The following TRPM2 variants were observed in gnomAD, a reference collection of about 807,000 sequenced individuals.
The protein encoded by TRPM2 is estrogen-responsive element-associated gene 1 protein.
TRPM2 carries 161 observed loss-of-function variants against 174.0 expected under a neutral mutation model. The ratio of observed to expected loss-of-function variants is 0.93; its 90% CI spans 0.81 to 1.05. The LOEUF (loss-of-function observed/expected upper bound fraction) is 1.05, where lower values mean the gene tolerates loss of function less well. Ranked by LOEUF, TRPM2 falls within the 50% of genes least tolerant of loss-of-function variation. The pLI, the probability that TRPM2 is intolerant of heterozygous loss-of-function variation, is 0.00. For synonymous variants in TRPM2, 954 were observed against 861.3 expected, an observed-to-expected ratio of 1.11 and a Z score of -1.88; for missense variants, 2,057 against 2,038.0, an observed-to-expected ratio of 1.01 and a Z score of -0.18.
At position 44,391,156 on chromosome 21, in the gene TRPM2, C is replaced by G. The variant is rs2049161049; in HGVS notation, c.1441-116C>G. On this transcript the variant is annotated intron_variant, in intron 10 of 31. Transcript: ENST00000397928. This position sits in a 1 kb window ranked among gnomAD's most constrained non-coding sequence, Gnocchi z 5.0. ...CCTTGAGGGTGGGTGACCTGGGCAG[C>G]TTTCATCCTCCCCAGGTTGGGGACA... 1 of 1,542,954 alleles carries G rather than the reference C, an allele frequency of 6.5e-7. No individual in the cohort carries two copies. Among genetic ancestry groups the G allele is most frequent in the Admixed American group, 1.8e-5 (1 of 55,572 alleles).
At chr21:44,358,122 C>A (rs185845606) in intron 2 of TRPM2, among the ~76,000 whole-genome samples, 51 of 152,342 alleles carry the variant, frequency 3.3e-4, no homozygotes, top group African/African-American at 1.2e-3. Context: ...CCCCTCGACA[C>A]CCGCCCGGGT....
chr21:44,424,445 C>G (rs905796828), intron 23 of TRPM2, among the ~76,000 whole-genome samples: 9 of 152,234 alleles, frequency 5.9e-5, no homozygotes, highest in Non-Finnish European at 1.0e-4. Context: ...GCATCAGCCT[C>G]TGGGGAGGCT....
chr21:44,428,785 G>A (rs533167861), intron 27 of TRPM2, among the ~76,000 whole-genome samples: 10 of 149,600 alleles, frequency 6.7e-5, no homozygotes, highest in African/African-American at 2.5e-4. Context: ...CTGAGGTGTG[G>A]CTCCTTCCCT....
chr21:44,355,276 T>A (rs1031540321), intron 2 of TRPM2, among the ~76,000 whole-genome samples: 1 of 148,026 alleles, frequency 6.8e-6, no homozygotes, highest in Non-Finnish European at 1.5e-5. Context: ...ACATGGCCAC[T>A]GTCTCTGAGT....
At chr21:44,419,632 A>ATTG (rs1569097696) in intron 22 of TRPM2, among the ~76,000 whole-genome samples, 1 of 125,032 alleles carries the variant, frequency 8.0e-6, no homozygotes, top group African/African-American at 3.4e-5. Context: ...GGTGATTGTG[A>ATTG]TGGTGGTGGT....
chr21:44,373,931 A>G (rs1376228108), intron 5 of TRPM2, among the ~76,000 whole-genome samples: 1 of 151,920 alleles, frequency 6.6e-6, no homozygotes, highest in African/African-American at 2.4e-5. Flanking sequence ...CTTCCTTCTG[A>G]GCCCTCACCA....
In TRPM2 at chr21:44,353,947, C is replaced by G. The variant is rs1031144552; in HGVS notation, c.165+82C>G. ...GGCAGGTCATAGCTTGAGGCTGTGA[C>G]GACGGGGGTGGGAAAGGGTCTGCTG... On this transcript the variant is annotated intron_variant, in intron 1 of 31. Transcript: ENST00000397928. The G allele has an allele frequency of 4.0e-6, 6 of 1,494,578 alleles. No individual in the cohort carries two copies. In the East Asian group the frequency reaches 1.6e-4, roughly 40 times the overall value. 92.6% of individuals were successfully genotyped at this position (1,494,578 alleles called of 1,614,324 possible).
chr21:44,403,333 G>T (rs1162974564), intron 16 of TRPM2, among the ~76,000 whole-genome samples: 2 of 152,198 alleles, frequency 1.3e-5, no homozygotes, highest in Non-Finnish European at 2.9e-5. Flanking sequence ...TAGGCCAAAT[G>T]GGGGCTCCCA....
rs920841869 is a variant in TRPM2, at chr21:44,399,405, C to G, written c.2172C>G (p.Ala724=). 1 of 1,612,650 alleles carries G rather than the reference C, an allele frequency of 6.2e-7. No homozygotes were observed. The highest frequency in any genetic ancestry group is 8.5e-7 in the Non-Finnish European group (1 of 1,179,830). ...CCTGCCTGCAGCTCGCCCTGGAGGCCAAGGACATGAAGTTTGTGTCTCACG... is the reference window on the plus strand; with the variant it reads ...CCTGCCTGCAGCTCGCCCTGGAGGCGAAGGACATGAAGTTTGTGTCTCACG... ...KTTCLQLALE[A]KDMKFVSHGG... Residue 724 remains alanine (A), a synonymous_variant, in exon 14 of 32, where the codon GCC becomes GCG. Coordinates refer to ENST00000397928, the MANE Select transcript of TRPM2 (RefSeq NM_003307.4). The surrounding 1 kb of genome is among the most constrained non-coding windows in gnomAD (Gnocchi z 4.6).
chr21:44,407,015 C>T (rs887218377), intron 19 of TRPM2, among the ~76,000 whole-genome samples: 3 of 149,568 alleles, frequency 2.0e-5, no homozygotes, highest in Admixed American at 6.7e-5. Context: ...CAGAGTGGGC[C>T]GAGGGCACCT....
chr21:44,368,752 G>A (rs965846049), intron 4 of TRPM2, among the ~76,000 whole-genome samples: 1 of 152,124 alleles, frequency 6.6e-6, no homozygotes, highest in South Asian at 2.1e-4. Context: ...TTCTTACAGG[G>A]GTGGCTGCAA....
chr21:44,436,474 G>A (rs573148436), intron 28 of TRPM2, among the ~76,000 whole-genome samples: 2 of 151,780 alleles, frequency 1.3e-5, no homozygotes, highest in Non-Finnish European at 2.9e-5. Flanking sequence ...GGCCTGCCCA[G>A]GTGGCACTCG....
Position 44,441,843 on chromosome 21 carries a change from A to G in TRPM2, c.*26A>G. The G allele has an allele frequency of 6.3e-7, 1 of 1,584,024 alleles. No homozygotes were observed. Among genetic ancestry groups the G allele is most frequent in the Non-Finnish European group, 8.6e-7 (1 of 1,164,546 alleles). ...CTGTGCCCTCAGGCTGGGCGGCTCCAGTCCATAGACGTTCCCCCCAGAAAC... is the reference window on the plus strand; with the variant it reads ...CTGTGCCCTCAGGCTGGGCGGCTCCGGTCCATAGACGTTCCCCCCAGAAAC... On this transcript the variant is annotated 3_prime_UTR_variant, in exon 32 of 32. Coordinates refer to ENST00000397928, the MANE Select transcript of TRPM2 (RefSeq NM_003307.4).
chr21:44,355,351 A>G (rs2048029431), intron 2 of TRPM2, among the ~76,000 whole-genome samples: 1 of 152,236 alleles, frequency 6.6e-6, no homozygotes, highest in Non-Finnish European at 1.5e-5. Context: ...AGGCACGGAC[A>G]GAGTGTTGAT....
rs571733512 is a variant in TRPM2 at position 44,397,762 on chromosome 21, G to A, written c.1948G>A (p.Ala650Thr). 18 of 1,590,590 alleles carry A rather than the reference G, an allele frequency of 1.1e-5. No homozygotes were observed. Among genetic ancestry groups the A allele is most frequent in the South Asian group, 5.7e-5 (5 of 87,094 alleles). Residue 650 changes from alanine to threonine, a missense_variant, in exon 13 of 32, where the codon GCA becomes ACA. By Grantham distance (58) the Ala-to-Thr change is moderately conservative. Coordinates refer to ENST00000397928, the MANE Select transcript of TRPM2 (RefSeq NM_003307.4). ...IIWAQSQDCI[A>T]AALACSKILK... is the part of the protein sequence containing the mutation. ...TGGTCCCCAGAGCCAGGACTGCATC[G>A]CAGCGGCCTTGGCCTGCAGCAAGAT... is the stretch of plus-strand genomic sequence containing the variant.
Position 44,377,734 on chromosome 21 carries a change from CGT to C in TRPM2, c.979_980del (p.Cys327ArgfsTer65). On this transcript the variant is annotated frameshift_variant, in exon 7 of 32. Coordinates refer to ENST00000397928, the MANE Select transcript of TRPM2 (RefSeq NM_003307.4). LOFTEE classifies it high-confidence loss of function. ...RGGVAIKIPI[V>X]CVVLEGGPGT... ...TAGGTGTGGCCATCAAGATCCCCAT[CGT>C]GTGCGTGGTGCTGGAGGGCGGCCCG... is the stretch of plus-strand genomic sequence containing the variant. 1 of 1,614,190 alleles carries C rather than the reference CGT, an allele frequency of 6.2e-7. No individual in the cohort carries two copies. Among genetic ancestry groups the C allele is most frequent in the Non-Finnish European group, 8.5e-7 (1 of 1,180,050 alleles).
chr21:44,431,212 C>CTG (rs1201848253), intron 27 of TRPM2, among the ~76,000 whole-genome samples: 6 of 151,936 alleles, frequency 3.9e-5, no homozygotes, highest in African/African-American at 1.4e-4. Flanking sequence ...ACCTGGTAGG[C>CTG]TGTAACCCTT....
At chr21:44,397,131 C>T (rs1168774507) in intron 12 of TRPM2, among the ~76,000 whole-genome samples, 5 of 151,590 alleles carry the variant, frequency 3.3e-5, no homozygotes, top group Non-Finnish European at 5.9e-5. Flanking sequence ...CTCTGCCTAC[C>T]GTGTTCAAGC....
intron 7 of TRPM2, among the ~76,000 whole-genome samples, chr21:44,378,174 C>T (rs1217851206): frequency 6.6e-6 from 1 of 152,200 alleles, no homozygotes; most frequent in Non-Finnish European, 1.5e-5. Context: ...ATCCCAGATC[C>T]GTGGTGCCAG....
Sources: gnomAD v4.1 joint callset for allele counts (sites outside exome capture counted in the v4.1 genomes callset) on GRCh38, gnomAD v4.1.1 for gene constraint, Gnocchi (gnomAD v3.1) non-coding constraint, MANE v1.5 for transcripts, NCBI Gene and HGNC (gene_info 2026-07-23, HGNC 2026-07-21) for gene names.